Variants in WDR17 observed in about 807,000 individuals in gnomAD.
WDR17 encodes WD repeat domain 17, also known as WD repeat-containing protein 17.
WDR17 carries 143 observed loss-of-function variants against 161.7 expected under a neutral mutation model. That is an observed-to-expected ratio of 0.88 (90% CI 0.77 to 1.02). The LOEUF (loss-of-function observed/expected upper bound fraction) is 1.02. Among genes scored for constraint, WDR17 ranks in the 50% least tolerant of loss-of-function variants. The pLI is 0.00. For missense variants in WDR17, 1,469 were observed against 1,520.9 expected (o/e 0.97, Z 0.57); for synonymous variants, 517 against 515.6 (o/e 1.00, Z -0.04).
chr4:176,125,673 T>A (rs1374221706), intron 5 of WDR17, among the ~76,000 whole-genome samples: 1 of 152,188 alleles, frequency 6.6e-6, no homozygotes, highest in Non-Finnish European at 1.5e-5. Flanking sequence ...TCAGGCATAG[T>A]AGGATGACAG....
In WDR17 at chr4:176,149,837, C is replaced by T; in HGVS notation, c.1928C>T (p.Thr643Ile). 1.2e-6 allele frequency: 2 copies of T among 1,614,054 alleles called. No homozygotes were observed. Among genetic ancestry groups the T allele is most frequent in the Non-Finnish European group, 1.7e-6 (2 of 1,180,010 alleles). ...GLTCHPSRPF[T>I]MASCSRDSTV... ...ACCTGCCATCCCAGTCGCCCCTTCA[C>T]TATGGCCTCTTGCTCCCGTGACTCT... is the stretch of plus-strand genomic sequence containing the variant. The change falls in exon 14 of 29, where the codon ACT becomes ATT. Residue 643 changes from threonine to isoleucine, a missense_variant. Physicochemically the swap from Thr to Ile is moderately conservative, Grantham distance 89 (BLOSUM62 -1). Transcript: ENST00000508596.
At chr4:176,170,302 A>G (rs1288853082) in intron 23 of WDR17, among the ~76,000 whole-genome samples, 2 of 144,324 alleles carry the variant, frequency 1.4e-5, no homozygotes, top group Non-Finnish European at 3.0e-5. Context: ...CAAATCAATT[A>G]TTTTTTCTTT....
At chr4:176,168,829 G>A (rs770780480) in intron 23 of WDR17, 46 bp downstream of exon 23, 5 of 1,575,874 alleles carry the variant, frequency 3.2e-6, no homozygotes, top group South Asian at 2.4e-5. Context: ...GCAGTGCTAT[G>A]ATTTAATTAA....
In WDR17 at chr4:176,102,315, A is replaced by G. The variant is rs552146573; in HGVS notation, c.-6-9260A>G. ...CAAATTAAATCAATTAGATACCACT[A>G]CACATCTATTAGAATGGCTAATATC... On this transcript the variant is annotated intron_variant, in intron 1 of 28. Coordinates refer to ENST00000508596, the MANE Select transcript of WDR17 (RefSeq NM_181265.4). 3.3e-5 allele frequency among the ~76,000 whole-genome samples: 5 copies of G among 152,314 alleles called. No homozygotes were observed. In the East Asian group the frequency reaches 7.7e-4, roughly 24 times the overall value.
chr4:176,133,271 AAAAG>A lies in WDR17; in HGVS notation c.1098+1536_1098+1539del, dbSNP rs1207881726. Among the ~76,000 whole-genome samples, 68 of 130,684 alleles carry A rather than the reference AAAAG, an allele frequency of 5.2e-4. 2 individuals are homozygous for A. The highest frequency in any genetic ancestry group is 9.8e-4 in the Non-Finnish European group (59 of 60,504). The allele number at this position is 130,684 out of a possible 152,430, so 85.7% of individuals were successfully genotyped here. On this transcript the variant is annotated intron_variant, in intron 7 of 28. Coordinates refer to ENST00000508596, the MANE Select transcript of WDR17 (RefSeq NM_181265.4). ...GTCTCCTCTCTCTAAAAAAAAAAAA[AAAAG>A]AAGAAGAAGAAGAAAAGAGAAAGGA... is the stretch of plus-strand genomic sequence containing the variant.
At chr4:176,165,843 T>A (rs563502474) in intron 22 of WDR17, among the ~76,000 whole-genome samples, 58 of 152,284 alleles carry the variant, frequency 3.8e-4, no homozygotes, top group South Asian at 3.3e-3. Context: ...AACGCCCCCA[T>A]CCCAACAATT....
chr4:176,114,827 G>C (rs115389858), intron 2 of WDR17, among the ~76,000 whole-genome samples: 3 of 151,556 alleles, frequency 2.0e-5, no homozygotes, highest in South Asian at 2.1e-4. Flanking sequence ...ACCTCAGTAG[G>C]AGAATGAATA....
intron 6 of WDR17, among the ~76,000 whole-genome samples, chr4:176,129,617 T>C (rs2126750543): frequency 6.6e-6 from 1 of 152,262 alleles, no homozygotes; most frequent in East Asian, 1.9e-4. Context: ...ATGAAAAGTT[T>C]AGAGTGATTG....
At chr4:176,138,450 T>C (rs1308757048) in intron 9 of WDR17, among the ~76,000 whole-genome samples, 1 of 151,658 alleles carries the variant, frequency 6.6e-6, no homozygotes, top group African/African-American at 2.4e-5. Context: ...CTGTGAGCAA[T>C]TTTGCACTCA....
intron 19 of WDR17, among the ~76,000 whole-genome samples, chr4:176,160,455 G>A (rs989162931): frequency 3.9e-5 from 6 of 152,212 alleles, no homozygotes; most frequent in Admixed American, 3.9e-4. Context: ...CCGAGTAGCT[G>A]GGATTACAGG....
In WDR17 at chr4:176,115,982, A is replaced by G. The variant is rs1425825662; in HGVS notation, c.307+3A>G. On this transcript the variant is annotated splice_donor_region_variant and intron_variant, in intron 3 of 28. Coordinates refer to ENST00000508596, the MANE Select transcript of WDR17 (RefSeq NM_181265.4). The stretch of plus-strand genomic sequence containing the variant: ...TGCTAAACTCGACAGTACAAAAGGT[A>G]TAATTACAACTGGGATTTATTTTAT... 12 of 1,589,608 alleles carry G rather than the reference A, an allele frequency of 7.5e-6. No homozygotes were observed. Among genetic ancestry groups the G allele is most frequent in the South Asian group, 1.2e-5 (1 of 85,432 alleles).
intron 17 of WDR17, among the ~76,000 whole-genome samples, chr4:176,155,773 G>A (rs1305486948): frequency 6.8e-6 from 1 of 147,548 alleles, no homozygotes; most frequent in Non-Finnish European, 1.5e-5. Context: ...GTGTTGCCCA[G>A]GCTAGTCTCA....
chr4:176,086,898 A>G (rs967212340), intron 1 of WDR17, among the ~76,000 whole-genome samples: 8 of 151,702 alleles, frequency 5.3e-5, no homozygotes, highest in Non-Finnish European at 1.2e-4. Flanking sequence ...ATGTTTATTT[A>G]CTGTTCCTTT....
intron 5 of WDR17, among the ~76,000 whole-genome samples, chr4:176,126,593 C>G (rs1274525074): frequency 6.6e-6 from 1 of 152,102 alleles, no homozygotes; most frequent in African/African-American, 2.4e-5. Context: ...TTTCAAGAAG[C>G]AAAACCTGAC....
chr4:176,080,223 G>T lies in WDR17; in HGVS notation c.-7+14144G>T, dbSNP rs568316903. Reference sequence around the variant, plus strand: ...AGTTTTTTTTTAATAACTTAAATTTGAGAATCTATTTAAAATCCATGTGGG... The same window carrying T: ...AGTTTTTTTTTAATAACTTAAATTTTAGAATCTATTTAAAATCCATGTGGG... On this transcript the variant is annotated intron_variant, in intron 1 of 28. Coordinates refer to ENST00000508596, the MANE Select transcript of WDR17 (RefSeq NM_181265.4). Among the ~76,000 whole-genome samples, 87 of 151,836 alleles carry T rather than the reference G, an allele frequency of 5.7e-4. 1 individual carries two copies. Among genetic ancestry groups the T allele is most frequent in the Middle Eastern group, 3.4e-3 (1 of 294 alleles).
At chr4:176,098,865 C>G (rs1206057803) in intron 1 of WDR17, among the ~76,000 whole-genome samples, 2 of 150,984 alleles carry the variant, frequency 1.3e-5, no homozygotes, top group Non-Finnish European at 3.0e-5. Flanking sequence ...ATTTTAATAT[C>G]TGGTTTAGCA....
Position 176,151,925 on chromosome 4 carries a change from A to G in WDR17, c.2418A>G (p.Gly806=). 1.2e-6 allele frequency: 2 copies of G among 1,613,286 alleles called. No individual in the cohort carries two copies. The highest frequency in any genetic ancestry group is 1.7e-6 in the Non-Finnish European group (2 of 1,179,798). ...KEAAEIHLRL[G]QIQRYCELMV... is the part of the protein sequence containing the mutation. ...CTGCTGAAATCCACTTGAGATTAGG[A>G]CAAATTCAGAGATACTGTGAACTTA... The change falls in exon 17 of 29, where the codon GGA becomes GGG. Residue 806 remains glycine, a synonymous_variant. Transcript: ENST00000508596.
At chr4:176,164,308 A>G (rs947537599) in intron 22 of WDR17, among the ~76,000 whole-genome samples, 1 of 152,204 alleles carries the variant, frequency 6.6e-6, no homozygotes, top group African/African-American at 2.4e-5. Context: ...ACTTGGGGTG[A>G]GCATCCCTAA....
rs376209332 is a variant in WDR17 at position 176,177,103 on chromosome 4, A to G, written c.3495A>G (p.Glu1165=). Residue 1165 remains glutamate, a synonymous_variant, in exon 27 of 29, where the codon GAA becomes GAG. Transcript: ENST00000508596. Reference sequence around the variant, plus strand: ...AGGTGTCAGTACCTTTAAAAATTGAATATCTTTCTGAGGAATTGGATGCAT... The same window carrying G: ...AGGTGTCAGTACCTTTAAAAATTGAGTATCTTTCTGAGGAATTGGATGCAT... ...RREVSVPLKI[E]YLSEELDAWR... is the part of the protein sequence containing the mutation. The G allele has an allele frequency of 3.0e-5, 49 of 1,613,760 alleles. No individual in the cohort carries two copies. In the Middle Eastern group the frequency reaches 4.9e-4, roughly 16 times the overall value.
Sources: gnomAD v4.1 joint callset for allele counts (sites outside exome capture counted in the v4.1 genomes callset) on GRCh38, gnomAD v4.1.1 for gene constraint, MANE v1.5 for transcripts, NCBI Gene and HGNC (gene_info 2026-07-23, HGNC 2026-07-21) for gene names.